Variants in DNAAF5 observed in about 807,000 individuals in gnomAD.
DNAAF5 encodes dynein axonemal assembly factor 5.
DNAAF5 carries 64 observed loss-of-function variants against 75.8 expected under a neutral mutation model. The ratio of observed to expected loss-of-function variants is 0.84; its 90% confidence interval spans 0.69 to 1.04. The LOEUF (loss-of-function observed/expected upper bound fraction) is 1.04, where lower values mean the gene tolerates loss of function less well. Among genes scored for constraint, DNAAF5 ranks in the 50% least tolerant of loss-of-function variants. The pLI is 0.00. For missense variants in DNAAF5, 1,269 were observed against 1,178.5 expected (o/e 1.08, Z -1.12); for synonymous variants, 657 against 557.2 (o/e 1.18, Z -2.52).
chr7:728,565 G>A (rs969574472), intron 1 of DNAAF5, among the ~76,000 whole-genome samples: 1 of 152,168 alleles, frequency 6.6e-6, no homozygotes, highest in African/African-American at 2.4e-5. Flanking sequence ...AAGAACCTTG[G>A]GCTGGATGGA....
chr7:756,683 G>A (rs1782494929), intron 5 of DNAAF5, 99 bp from the exon 6 acceptor site: 6 of 1,043,426 alleles, frequency 5.8e-6, no homozygotes, highest in Non-Finnish European at 8.8e-6. Flanking sequence ...GGCTCTGTCT[G>A]GTGCACGGCT....
intron 4 of DNAAF5, among the ~76,000 whole-genome samples, chr7:753,992 G>T (rs7780165): frequency 2.2e-5 from 3 of 139,318 alleles, no homozygotes; most frequent in South Asian, 2.3e-4. Flanking sequence ...CTTCGCAGGC[G>T]TGTGTCTCTC....
intron 10 of DNAAF5, 129 bp from the exon 11 acceptor site, chr7:774,877 C>G (rs1044704134): frequency 1.3e-6 from 1 of 767,984 alleles, no homozygotes; most frequent in Non-Finnish European, 2.2e-6. Context: ...AATGAAGATT[C>G]AAGCCTACTT....
At chr7:763,671 G>C in intron 7 of DNAAF5, 135 bp from the exon 8 acceptor site, 3 of 1,006,552 alleles carry the variant, frequency 3.0e-6, no homozygotes, top group Non-Finnish European at 4.4e-6. Context: ...CCCTGTGGCA[G>C]CCTCCCTCCC....
Position 753,902 on chromosome 7 carries a change from C to T in DNAAF5, c.1025-687C>T, listed in dbSNP as rs533441909. On this transcript the variant is annotated intron_variant, in intron 4 of 12. Transcript: ENST00000297440. ...CAGGCGTCTCTCTCTCATCATATGGCGATGGCTTCGCAGGCGTGTGTCTCT... is the reference window on the plus strand; with the variant it reads ...CAGGCGTCTCTCTCTCATCATATGGTGATGGCTTCGCAGGCGTGTGTCTCT... Among the ~76,000 whole-genome samples the T allele has an allele frequency of 6.1e-5, 7 of 114,148 alleles. No individual in the cohort carries two copies. In the East Asian group the frequency reaches 1.4e-3, roughly 23 times the overall value. 74.9% of individuals were successfully genotyped at this position (114,148 alleles called of 152,430 possible).
intron 11 of DNAAF5, among the ~76,000 whole-genome samples, chr7:779,325 C>T (rs1301827531): frequency 6.6e-6 from 1 of 152,206 alleles, no homozygotes; most frequent in African/African-American, 2.4e-5. Flanking sequence ...GAAGATGGGC[C>T]TCCGGGTGGT....
Position 763,989 on chromosome 7 carries a change from C to G in DNAAF5, c.1783+15C>G, listed in dbSNP as rs1413873559. 6.2e-7 allele frequency: 1 copy of G among 1,600,028 alleles called. No individual in the cohort carries two copies. Among genetic ancestry groups the G allele is most frequent in the South Asian group, 1.1e-5 (1 of 91,018 alleles). ...CGCACAGTCAGGTGAGCCGTCCCGACAGCTGGCGTGCCGTGCCTGGCCCCA... is the reference window on the plus strand; with the variant it reads ...CGCACAGTCAGGTGAGCCGTCCCGAGAGCTGGCGTGCCGTGCCTGGCCCCA... On this transcript the variant is annotated intron_variant, in intron 8 of 12. Coordinates refer to ENST00000297440, the MANE Select transcript of DNAAF5 (RefSeq NM_017802.4).
intron 6 of DNAAF5, 149 bp from the exon 7 acceptor site, chr7:761,604 G>A (rs1782646331): frequency 2.6e-6 from 2 of 755,906 alleles, no homozygotes; most frequent in East Asian, 5.5e-5. Context: ...GAACAGCACG[G>A]GAAAGACCCA....
intron 4 of DNAAF5, among the ~76,000 whole-genome samples, chr7:746,217 C>T (rs1411729986): frequency 6.6e-6 from 1 of 152,208 alleles, no homozygotes; most frequent in Non-Finnish European, 1.5e-5. Flanking sequence ...CCCTGCCGTC[C>T]TGCCACCCCC....
intron 8 of DNAAF5, chr7:769,053 G>C (rs1778459157): frequency 4.5e-6 from 3 of 672,568 alleles, no homozygotes; most frequent in South Asian, 1.6e-5. Flanking sequence ...CTCACCGCGA[G>C]GCCTGACTTC....
chr7:776,732 A>C (rs1778772443), intron 11 of DNAAF5, among the ~76,000 whole-genome samples: 1 of 152,196 alleles, frequency 6.6e-6, no homozygotes, highest in Admixed American at 6.5e-5. Flanking sequence ...GAATTCAGAG[A>C]GCCCCTCACT....
chr7:774,459 G>A (rs1778688921), intron 10 of DNAAF5, among the ~76,000 whole-genome samples: 1 of 152,202 alleles, frequency 6.6e-6, no homozygotes, highest in Non-Finnish European at 1.5e-5. Flanking sequence ...TTTTGCAGCC[G>A]CTCATGAGCG....
At chr7:729,481 C>T (rs1024716028) in intron 1 of DNAAF5, among the ~76,000 whole-genome samples, 182 bp from the exon 2 acceptor site, 1 of 152,168 alleles carries the variant, frequency 6.6e-6, no homozygotes, top group Admixed American at 6.5e-5. Flanking sequence ...CTTCCTGTGC[C>T]GGGCGGTACA....
intron 6 of DNAAF5, 139 bp downstream of exon 6, chr7:757,133 G>A (rs896009940): frequency 3.7e-6 from 3 of 802,062 alleles, no homozygotes; most frequent in African/African-American, 1.7e-5. Context: ...GTGTCTGTGG[G>A]TCCGCCCCGT....
At chr7:762,709 G>C (rs1283181464) in intron 7 of DNAAF5, among the ~76,000 whole-genome samples, 1 of 151,800 alleles carries the variant, frequency 6.6e-6, no homozygotes, top group Non-Finnish European at 1.5e-5. Flanking sequence ...TGCCTCCCAG[G>C]TTCAAGTGAT....
intron 2 of DNAAF5, among the ~76,000 whole-genome samples, chr7:731,304 G>A (rs568070885): frequency 2.6e-5 from 4 of 152,188 alleles, no homozygotes; most frequent in South Asian, 2.1e-4. Context: ...TAAAAATACC[G>A]TCACTGTCTA....
Sources: gnomAD v4.1 joint callset for allele counts (sites outside exome capture counted in the v4.1 genomes callset) on GRCh38, gnomAD v4.1.1 for gene constraint, MANE v1.5 for transcripts, NCBI Gene and HGNC (gene_info 2026-07-23, HGNC 2026-07-21) for gene names.